The following RPS6KB1 variants were observed in gnomAD, a reference collection of about 807,000 sequenced individuals.
The protein encoded by RPS6KB1 is ribosomal protein S6 kinase beta-1.
A neutral mutation model predicts 70.2 loss-of-function variants in RPS6KB1; 12 were observed. That is an observed-to-expected ratio of 0.17 (90% CI 0.11 to 0.28). The LOEUF (loss-of-function observed/expected upper bound fraction) is 0.28, where lower values mean the gene tolerates loss of function less well. RPS6KB1 is among the 10% of genes least tolerant of loss of function. The probability of loss-of-function intolerance (pLI) is 1.00; values close to 1 mark genes in which losing one functional copy is unlikely to be tolerated. For synonymous variants in RPS6KB1, 175 were observed against 211.2 expected (o/e 0.83, Z 1.49); for missense variants, 270 against 646.6 (o/e 0.42, Z 6.32).
chr17:59,900,217 C>CACACACACACAA (rs2041839996), intron 1 of RPS6KB1, among the ~76,000 whole-genome samples: 1 of 136,446 alleles, frequency 7.3e-6, no homozygotes, highest in Admixed American at 7.4e-5. Flanking sequence ...CACACACACA[C>CACACACACACAA]ACACACACAC....
intron 12 of RPS6KB1, among the ~76,000 whole-genome samples, chr17:59,938,530 T>C (rs1314797587): frequency 1.3e-5 from 2 of 152,176 alleles, no homozygotes; most frequent in Non-Finnish European, 2.9e-5. Context: ...TCATTTGTCC[T>C]GTAGAATTCT....
intron 1 of RPS6KB1, among the ~76,000 whole-genome samples, chr17:59,895,931 T>C (rs570260886): frequency 6.7e-4 from 102 of 152,196 alleles, no homozygotes; most frequent in Non-Finnish European, 1.2e-3. Flanking sequence ...CTGCATCCGG[T>C]TGGTGTGTGC....
chr17:59,903,956 G>T (rs991803080), intron 1 of RPS6KB1, among the ~76,000 whole-genome samples: 1 of 151,922 alleles, frequency 6.6e-6, no homozygotes, highest in Non-Finnish European at 1.5e-5. Context: ...TTAGAGTTCT[G>T]CTGTCAAACT....
intron 4 of RPS6KB1, among the ~76,000 whole-genome samples, chr17:59,919,263 G>A (rs796841072): frequency 2.2e-4 from 34 of 152,100 alleles, no homozygotes; most frequent in African/African-American, 7.5e-4. Context: ...GGTGGCTCAC[G>A]CCTGTAATCC....
chr17:59,945,395 C>G lies in RPS6KB1; in HGVS notation c.1228-11C>G. The G allele has an allele frequency of 6.8e-7, 1 of 1,475,582 alleles. No homozygotes were observed. Among genetic ancestry groups the G allele is most frequent in the East Asian group, 2.3e-5 (1 of 44,130 alleles). The allele number at this position is 1,475,582 out of a possible 1,614,324, so 91.4% of individuals were successfully genotyped here. On this transcript the variant is annotated splice_polypyrimidine_tract_variant and intron_variant, in intron 13 of 14. Coordinates refer to ENST00000225577, the MANE Select transcript of RPS6KB1 (RefSeq NM_003161.4). ...AATGCCATTCTGTAGTCCACTGTTA[C>G]TGTCTTTCAGGGTTTTACATATGTG...
chr17:59,924,278 G>A (rs887102715), intron 4 of RPS6KB1, among the ~76,000 whole-genome samples: 110 of 152,172 alleles, frequency 7.2e-4, no homozygotes, highest in Non-Finnish European at 1.3e-3. Flanking sequence ...GCAGTGAGCT[G>A]AGACCATGCC....
At chr17:59,945,751 T>C (rs1284878504) in intron 14 of RPS6KB1, among the ~76,000 whole-genome samples, 1 of 152,200 alleles carries the variant, frequency 6.6e-6, no homozygotes, top group Non-Finnish European at 1.5e-5. Flanking sequence ...ATGTCCTCTT[T>C]ATCCATTCAC....
chr17:59,941,854 G>A (rs1401390133), intron 13 of RPS6KB1, among the ~76,000 whole-genome samples: 1 of 143,092 alleles, frequency 7.0e-6, no homozygotes, highest in East Asian at 2.1e-4. Flanking sequence ...GGATGGTCTC[G>A]ATTTCTTTTT....
chr17:59,918,477 C>T (rs112433940), intron 4 of RPS6KB1, among the ~76,000 whole-genome samples: 8 of 152,168 alleles, frequency 5.3e-5, no homozygotes, highest in African/African-American at 1.9e-4. Context: ...TCAAGCGATT[C>T]TCCTGCCTCA....
At position 59,893,159 on chromosome 17, in the gene RPS6KB1, G is replaced by C. The variant is rs2041223084; in HGVS notation, c.-26G>C. The C allele has an allele frequency of 6.2e-7, 1 of 1,601,546 alleles. No individual in the cohort carries two copies. The highest frequency in any genetic ancestry group is 8.5e-7 in the Non-Finnish European group (1 of 1,174,928). On this transcript the variant is annotated 5_prime_UTR_variant, in exon 1 of 15. Transcript: ENST00000225577. The surrounding 1 kb of genome is among the most constrained non-coding windows in gnomAD (Gnocchi z 4.1). Reference sequence around the variant, plus strand: ...GCAGCCGGTGATGGCGGCAGCGGCTGTGGTGGCTGCGGCGGGTCCGGGCCC... The same window carrying C: ...GCAGCCGGTGATGGCGGCAGCGGCTCTGGTGGCTGCGGCGGGTCCGGGCCC...
In RPS6KB1 at chr17:59,914,621, T is replaced by G. The variant is rs749915026; in HGVS notation, c.313-14T>G. 7.5e-6 allele frequency: 12 copies of G among 1,609,624 alleles called. No homozygotes were observed. The highest frequency in any genetic ancestry group is 1.7e-4 in the Middle Eastern group (1 of 6,008). On this transcript the variant is annotated splice_polypyrimidine_tract_variant and intron_variant, in intron 3 of 14. Transcript: ENST00000225577. ...AGTTTGCCTTTGAATAACACACACT[T>G]TTTTTTAATCCAGGTTTTTCAAGTA... is the stretch of plus-strand genomic sequence containing the variant.
chr17:59,897,484 A>G (rs541663347), intron 1 of RPS6KB1, among the ~76,000 whole-genome samples: 1 of 152,078 alleles, frequency 6.6e-6, no homozygotes, highest in Non-Finnish European at 1.5e-5. Flanking sequence ...CTGTAGTATC[A>G]TAGTGTGTAT....
At chr17:59,896,795 A>G (rs1180726499) in intron 1 of RPS6KB1, among the ~76,000 whole-genome samples, 2 of 152,176 alleles carry the variant, frequency 1.3e-5, no homozygotes, top group South Asian at 4.1e-4. Flanking sequence ...TGGAGTTGAA[A>G]ATATTTCTTT....
intron 12 of RPS6KB1, among the ~76,000 whole-genome samples, chr17:59,939,102 GGA>G (rs1265741275): frequency 1.3e-5 from 2 of 152,038 alleles, no homozygotes; most frequent in African/African-American, 4.8e-5. Flanking sequence ...AGTAAAGGCA[GGA>G]TGTATGTTTG....
chr17:59,895,588 C>T (rs1247860979), intron 1 of RPS6KB1, among the ~76,000 whole-genome samples: 4 of 151,734 alleles, frequency 2.6e-5, no homozygotes, highest in Non-Finnish European at 5.9e-5. Context: ...TCCCAAAGTG[C>T]TGGGATTACA....
chr17:59,917,835 T>C (rs1216432993), intron 4 of RPS6KB1, among the ~76,000 whole-genome samples: 1 of 152,238 alleles, frequency 6.6e-6, no homozygotes, highest in Non-Finnish European at 1.5e-5. Context: ...TTTTCTCTTC[T>C]TGGAATTGCA....
chr17:59,918,309 A>G (rs2043073604), intron 4 of RPS6KB1, among the ~76,000 whole-genome samples: 1 of 150,302 alleles, frequency 6.7e-6, no homozygotes, highest in Non-Finnish European at 1.5e-5. Flanking sequence ...TTTTATAGCA[A>G]CCTGTTTAAT....
rs2045121794 is a variant in RPS6KB1, at chr17:59,949,883, C to G, written c.*3095C>G. 2 of 152,336 alleles carry G rather than the reference C, an allele frequency of 1.3e-5. No individual in the cohort carries two copies. The highest frequency in any genetic ancestry group is 4.8e-5 in the African/African-American group (2 of 41,364). The allele number at this position is 152,336 out of a possible 1,614,324, so 9.4% of individuals were successfully genotyped here. A position where few individuals can be genotyped will look rare whatever the true frequency, so the allele number is the denominator to read the frequency against. The stretch of plus-strand genomic sequence containing the variant: ...TTGGATTATATATTTAATATAGGAC[C>G]TATTTTGAATATTCAGTTAATCATA... On this transcript the variant is annotated 3_prime_UTR_variant, in exon 15 of 15. Transcript: ENST00000225577.
intron 1 of RPS6KB1, among the ~76,000 whole-genome samples, chr17:59,910,119 G>A (rs1412474494): frequency 2.0e-5 from 3 of 151,744 alleles, no homozygotes; most frequent in African/African-American, 2.4e-5. Context: ...CCTGGGAGGC[G>A]GAGGTTGCAG....
Sources: allele counts gnomAD v4.1 joint callset (sites outside exome capture counted in the v4.1 genomes callset), GRCh38; gene constraint gnomAD v4.1.1; non-coding constraint Gnocchi (gnomAD v3.1); transcripts MANE v1.5; gene names NCBI Gene and HGNC (gene_info 2026-07-23, HGNC 2026-07-21).